TFB2M: variants seen among roughly 807,000 people sequenced by gnomAD.
The protein encoded by TFB2M is dimethyladenosine transferase 2, mitochondrial.
In TFB2M, 44 loss-of-function variants were observed where a neutral mutation model predicts 41.3. The ratio of observed to expected loss-of-function variants is 1.07; its 90% confidence interval spans 0.84 to 1.37. TFB2M has a LOEUF of 1.37. Ranked by LOEUF, TFB2M falls within the 40% of genes most tolerant of loss-of-function variation. The pLI is 0.00. For synonymous variants in TFB2M, 188 were observed against 176.8 expected (o/e 1.06, Z -0.50); for missense variants, 496 against 490.2 (o/e 1.01, Z -0.11).
chr1:246,560,893 C>T (rs114242021), intron 2 of TFB2M, among the ~76,000 whole-genome samples: 9,292 of 152,166 alleles, frequency 0.061, 411 homozygotes, highest in Middle Eastern at 0.16. Context: ...GCGGGCGGAT[C>T]ACGAGGTCAG....
intron 7 of TFB2M, among the ~76,000 whole-genome samples, chr1:246,541,513 A>G (rs562886838): frequency 6.6e-6 from 1 of 152,312 alleles, no homozygotes; most frequent in African/African-American, 2.4e-5. Flanking sequence ...CTATTGAAAT[A>G]AGAAGAAAAA....
chr1:246,559,965 T>C (rs1002989439), intron 2 of TFB2M, among the ~76,000 whole-genome samples: 18 of 152,246 alleles, frequency 1.2e-4, no homozygotes, highest in Non-Finnish European at 2.2e-4. Context: ...CATACGATTG[T>C]CAGTCAACAC....
rs1572085291 is a variant in TFB2M, at chr1:246,547,273, C to A, written c.858+1272G>T. On this transcript the variant is annotated intron_variant, in intron 6 of 7. Coordinates refer to ENST00000366514, the MANE Select transcript of TFB2M (RefSeq NM_022366.3). ...CTGGGATTACAGGTGTGAGCCACCA[C>A]GTCCGGCCAAGTTTATATTTTTAAG... Among the ~76,000 whole-genome samples the A allele has an allele frequency of 3.3e-5, 5 of 152,120 alleles. No individual in the cohort carries two copies. In the South Asian group the frequency reaches 1.0e-3, roughly 31 times the overall value.
At chr1:246,550,434 A>G (rs3120705) in intron 5 of TFB2M, among the ~76,000 whole-genome samples, 41,107 of 151,586 alleles carry the variant, frequency 0.27, 7,115 homozygotes, top group Middle Eastern at 0.48. Flanking sequence ...TTTTGAGGGG[A>G]AAAAAAAAGA....
At chr1:246,553,286 G>T (rs116796704) in intron 4 of TFB2M, among the ~76,000 whole-genome samples, 263 of 152,286 alleles carry the variant, frequency 1.7e-3, no homozygotes, top group African/African-American at 6.2e-3. Context: ...AAAATCAGTT[G>T]CATTTTTATG....
At position 246,560,554 on chromosome 1, in the gene TFB2M, A is replaced by C. The variant is rs186944170; in HGVS notation, c.403-3020T>G. Among the ~76,000 whole-genome samples, 365 of 152,336 alleles carry C rather than the reference A, an allele frequency of 2.4e-3. 2 individuals carry two copies. Among genetic ancestry groups the C allele is most frequent in the African/African-American group, 7.7e-3 (320 of 41,570 alleles). On this transcript the variant is annotated intron_variant, in intron 2 of 7. Transcript: ENST00000366514. The stretch of plus-strand genomic sequence containing the variant: ...AGAAAAAGAAAATGTATAAACAATG[A>C]ACACTTTATGGCCTCAATACACTTG...
chr1:246,543,987 C>T (rs1266433880), intron 7 of TFB2M, among the ~76,000 whole-genome samples: 1 of 152,094 alleles, frequency 6.6e-6, no homozygotes, highest in African/African-American at 2.4e-5. Flanking sequence ...GAGACCCTGT[C>T]TCTAACAACA....
chr1:246,545,213 G>A (rs1031600460), intron 6 of TFB2M, among the ~76,000 whole-genome samples: 1 of 152,154 alleles, frequency 6.6e-6, no homozygotes, highest in African/African-American at 2.4e-5. Flanking sequence ...TGAGGGAGGA[G>A]ATAACGTCTC....
Position 246,556,605 on chromosome 1 carries a change from C to T in TFB2M, c.673G>A (p.Val225Ile), listed in dbSNP as rs746788476. 5 of 1,534,430 alleles carry T rather than the reference C, an allele frequency of 3.3e-6. No individual in the cohort carries two copies. Among genetic ancestry groups the T allele is most frequent in the Non-Finnish European group, 4.4e-6 (5 of 1,141,920 alleles). The change falls in exon 4 of 8, where the codon GTA (valine) becomes ATA (isoleucine). Residue 225 changes from valine to isoleucine, a missense_variant. By Grantham distance (29) the Val-to-Ile change is conservative. Transcript: ENST00000366514. ...TSIYKFGRIE[V>I]NMFIGEKEFQ... is the part of the protein sequence containing the mutation. ...TCTTTTTCACCAATAAACATATTTA[C>T]TTCTATTCGTCCAAATTTATATATA...
At chr1:246,548,217 A>C (rs1371304932) in intron 6 of TFB2M, among the ~76,000 whole-genome samples, 2 of 152,172 alleles carry the variant, frequency 1.3e-5, no homozygotes, top group African/African-American at 4.8e-5. Flanking sequence ...ATACGTCATA[A>C]AATTTTGTTT....
At position 246,542,947 on chromosome 1, in the gene TFB2M, G is replaced by GCT. The variant is rs772797928; in HGVS notation, c.1019+1572_1019+1573dup. On this transcript the variant is annotated intron_variant, in intron 7 of 7. Transcript: ENST00000366514. ...GATAGAGTCTTGCTCTGTCACCCAG[G>GCT]CTCATCTCAAAGTCTTGTTGGCGCT... is the stretch of plus-strand genomic sequence containing the variant. Among the ~76,000 whole-genome samples the GCT allele has an allele frequency of 2.2e-4, 31 of 138,842 alleles. 1 individual carries two copies. The highest frequency in any genetic ancestry group is 3.7e-4 in the Non-Finnish European group (24 of 65,692). 91.1% of individuals were successfully genotyped at this position (138,842 alleles called of 152,430 possible). A position where few individuals can be genotyped will look rare whatever the true frequency, so the allele number is the denominator to read the frequency against.
rs1658838209 is a variant in TFB2M, at chr1:246,541,023, T to C, written c.*8A>G. 2 of 1,604,436 alleles carry C rather than the reference T, an allele frequency of 1.2e-6. No homozygotes were observed. The highest frequency in any genetic ancestry group is 1.7e-6 in the Non-Finnish European group (2 of 1,174,990). On this transcript the variant is annotated 3_prime_UTR_variant, in exon 8 of 8. Coordinates refer to ENST00000366514, the MANE Select transcript of TFB2M (RefSeq NM_022366.3). ...TGAACCGCTCCACCAAAAACGACAG[T>C]CTAGTTGCTACCTATCTTCCAGGGT...
At chr1:246,543,205 G>C (rs1658910711) in intron 7 of TFB2M, among the ~76,000 whole-genome samples, 1 of 141,088 alleles carries the variant, frequency 7.1e-6, no homozygotes, top group South Asian at 2.1e-4. Flanking sequence ...ATATTGTCTA[G>C]TCAACAGCTC....
intron 1 of TFB2M, among the ~76,000 whole-genome samples, chr1:246,565,245 T>A (rs986342583): frequency 2.6e-5 from 4 of 152,246 alleles, no homozygotes; most frequent in African/African-American, 9.6e-5. Flanking sequence ...ATAACATCAT[T>A]TTTTCAGCTG....
intron 5 of TFB2M, among the ~76,000 whole-genome samples, chr1:246,550,341 A>C (rs1659138572): frequency 6.6e-6 from 1 of 152,210 alleles, no homozygotes; most frequent in South Asian, 2.1e-4. Flanking sequence ...GTGTGAAGAG[A>C]TTCTGGGAAT....
chr1:246,557,960 C>T (rs559330523), intron 2 of TFB2M, among the ~76,000 whole-genome samples: 11 of 152,214 alleles, frequency 7.2e-5, no homozygotes, highest in South Asian at 2.1e-4. Context: ...TGAGCCACCA[C>T]GCCCGGCTGA....
rs1158287129 is a variant in TFB2M, at chr1:246,560,708, A to T, written c.403-3174T>A. 1.5e-4 allele frequency among the ~76,000 whole-genome samples: 23 copies of T among 152,226 alleles called. 1 individual carries two copies. Among genetic ancestry groups the T allele is most frequent in the Non-Finnish European group, 4.4e-5 (3 of 68,046 alleles). ...TTCATACAACAGATCACATTTAAAAATTCAACTGGATTGCATTAGGATTCA... is the reference window on the plus strand; with the variant it reads ...TTCATACAACAGATCACATTTAAAATTTCAACTGGATTGCATTAGGATTCA... On this transcript the variant is annotated intron_variant, in intron 2 of 7. Coordinates refer to ENST00000366514, the MANE Select transcript of TFB2M (RefSeq NM_022366.3).
intron 6 of TFB2M, among the ~76,000 whole-genome samples, chr1:246,545,812 GAAAAAAA>G (rs869274564): frequency 1.9e-5 from 1 of 52,708 alleles, no homozygotes; most frequent in Non-Finnish European, 3.7e-5. Context: ...ACCCTGATTC[GAAAAAAA>G]AAAAAAAAAA....
At chr1:246,557,072 G>C (rs1191352274) in intron 3 of TFB2M, among the ~76,000 whole-genome samples, 1 of 152,068 alleles carries the variant, frequency 6.6e-6, no homozygotes, top group African/African-American at 2.4e-5. Context: ...GCTGGAGTTT[G>C]AGACCAGCCT....
Sources: allele counts gnomAD v4.1 joint callset (sites outside exome capture counted in the v4.1 genomes callset), GRCh38; gene constraint gnomAD v4.1.1; transcripts MANE v1.5; gene names NCBI Gene and HGNC (gene_info 2026-07-23, HGNC 2026-07-21).